The following PDE1A variants were observed in gnomAD, a reference collection of about 807,000 sequenced individuals.
PDE1A encodes the protein phosphodiesterase 1A.
Under a neutral mutation model 61.7 loss-of-function variants are expected in PDE1A, and 35 were observed. The observed-to-expected ratio is 0.57, with a 90% CI of 0.43 to 0.75. PDE1A has a LOEUF of 0.75. PDE1A is among the 30% of genes least tolerant of loss of function. The pLI is 0.00. For synonymous variants in PDE1A, 232 were observed against 213.2 expected, an observed-to-expected ratio of 1.09 and a Z score of -0.77; for missense variants, 597 against 630.6, an observed-to-expected ratio of 0.95 and a Z score of 0.57.
the PDE1A span, among the ~76,000 whole-genome samples, chr2:182,669,314 C>A: frequency 6.6e-6 from 1 of 152,158 alleles, no homozygotes; most frequent in Non-Finnish European, 1.5e-5. Flanking sequence ...CCAGTAGGGT[C>A]AGGTGTTGCT....
At chr2:182,299,017 A>G (rs1436689707) in intron 1 of PDE1A, among the ~76,000 whole-genome samples, 2 of 152,078 alleles carry the variant, frequency 1.3e-5, no homozygotes, top group African/African-American at 4.8e-5. Flanking sequence ...AAAACCTATT[A>G]ACTAGGAAAG....
the PDE1A span, among the ~76,000 whole-genome samples, chr2:182,678,930 A>T: frequency 0.011 from 1,726 of 151,926 alleles, 14 homozygotes; most frequent in Admixed American, 0.021. Flanking sequence ...ATTTCATAAT[A>T]GCTAAAGGGA....
At chr2:182,300,041 T>A (rs1398402243) in intron 1 of PDE1A, among the ~76,000 whole-genome samples, 9 of 152,180 alleles carry the variant, frequency 5.9e-5, no homozygotes, top group African/African-American at 2.2e-4. Flanking sequence ...AGTAGTCCAG[T>A]TGTCTGGGAC....
At chr2:182,342,354 A>G (rs540402492) in intron 1 of PDE1A, among the ~76,000 whole-genome samples, 1 of 152,248 alleles carries the variant, frequency 6.6e-6, no homozygotes, top group East Asian at 1.9e-4. Flanking sequence ...TTTGTTGTAA[A>G]GAAAGATTTT....
At chr2:182,565,153 T>C in the PDE1A span, among the ~76,000 whole-genome samples, 1 of 152,224 alleles carries the variant, frequency 6.6e-6, no homozygotes, top group Non-Finnish European at 1.5e-5. Flanking sequence ...TTCCAGTTTT[T>C]CTGCTCTGTT....
chr2:182,492,864 C>T (rs1688477407), intron 2 of PDE1A, among the ~76,000 whole-genome samples: 1 of 152,166 alleles, frequency 6.6e-6, no homozygotes, highest in South Asian at 2.1e-4. Context: ...GAGATATCCA[C>T]ATACTAAAAA....
intron 2 of PDE1A, among the ~76,000 whole-genome samples, chr2:182,487,872 A>G (rs1280722979): frequency 1.3e-5 from 2 of 152,218 alleles, no homozygotes; most frequent in African/African-American, 4.8e-5. Flanking sequence ...GAAAGTTTGT[A>G]ATGAAAGATA....
chr2:182,175,151 G>A (rs1692621548), intron 13 of PDE1A, among the ~76,000 whole-genome samples: 1 of 152,084 alleles, frequency 6.6e-6, no homozygotes, highest in African/African-American at 2.4e-5. Flanking sequence ...TCATTGATGA[G>A]CATTTGGGTT....
intron 13 of PDE1A, among the ~76,000 whole-genome samples, chr2:182,160,963 G>A (rs1691345801): frequency 1.3e-5 from 2 of 152,238 alleles, no homozygotes; most frequent in South Asian, 4.1e-4. Context: ...TGTTTATAGA[G>A]ATACACAAAA....
the PDE1A span, among the ~76,000 whole-genome samples, chr2:182,591,520 G>C: frequency 6.6e-6 from 1 of 152,200 alleles, no homozygotes; most frequent in Non-Finnish European, 1.5e-5. Flanking sequence ...ATACCACCCT[G>C]ATGGGTCTAG....
At chr2:182,399,046 A>G (rs1418269017) in intron 1 of PDE1A, among the ~76,000 whole-genome samples, 1 of 152,016 alleles carries the variant, frequency 6.6e-6, no homozygotes, top group Admixed American at 6.5e-5. Context: ...ACCGTCAAGG[A>G]TGAAGTGGGC....
intron 1 of PDE1A, among the ~76,000 whole-genome samples, chr2:182,273,107 A>G (rs1455001794): frequency 2.6e-5 from 4 of 152,132 alleles, no homozygotes; most frequent in African/African-American, 9.7e-5. Context: ...TCTTCCTCCA[A>G]AAGAAGGAAG....
At chr2:182,395,526 G>T (rs1460218399) in intron 1 of PDE1A, among the ~76,000 whole-genome samples, 1 of 152,190 alleles carries the variant, frequency 6.6e-6, no homozygotes, top group East Asian at 1.9e-4. Context: ...TGAAAGATAA[G>T]TTGCTGCATT....
At chr2:182,316,711 G>T (rs557007810) in intron 1 of PDE1A, among the ~76,000 whole-genome samples, 3 of 152,070 alleles carry the variant, frequency 2.0e-5, no homozygotes, top group South Asian at 4.2e-4. Context: ...ATTGTATATT[G>T]TACTTTACTT....
chr2:182,293,722 A>C (rs1412693179), intron 1 of PDE1A, among the ~76,000 whole-genome samples: 1 of 152,200 alleles, frequency 6.6e-6, no homozygotes, highest in East Asian at 1.9e-4. Flanking sequence ...ACTAATAATA[A>C]AATAGAACAA....
At chr2:182,613,330 A>T in the PDE1A span, among the ~76,000 whole-genome samples, 3 of 152,298 alleles carry the variant, frequency 2.0e-5, no homozygotes, top group East Asian at 5.8e-4. Flanking sequence ...TGGGAGGCCG[A>T]GGCGAGTGGA....
intron 2 of PDE1A, among the ~76,000 whole-genome samples, chr2:182,516,998 T>G (rs1213620308): frequency 6.6e-6 from 1 of 152,114 alleles, no homozygotes; most frequent in Non-Finnish European, 1.5e-5. Context: ...AAGTAACATA[T>G]CCTTTGGTTC....
chr2:182,604,521 T>C, the PDE1A span, among the ~76,000 whole-genome samples: 9,516 of 152,304 alleles, frequency 0.062, 323 homozygotes, highest in Middle Eastern at 0.088. Flanking sequence ...AGTAATCATT[T>C]GCTCAGTCCA....
At chr2:182,487,136 T>C (rs1369981209) in intron 2 of PDE1A, among the ~76,000 whole-genome samples, 2 of 152,152 alleles carry the variant, frequency 1.3e-5, no homozygotes, top group Non-Finnish European at 2.9e-5. Context: ...AAAGAGGCTA[T>C]ACAAAGGACA....
Sources: allele counts gnomAD v4.1 joint callset (sites outside exome capture counted in the v4.1 genomes callset), GRCh38; gene constraint gnomAD v4.1.1; transcripts MANE v1.5; gene names NCBI Gene and HGNC (gene_info 2026-07-23, HGNC 2026-07-21).